Variants in TMEM68 observed in about 807,000 individuals in gnomAD.
TMEM68 encodes the protein transmembrane protein 68.
In TMEM68, 25 loss-of-function variants were observed where a neutral mutation model predicts 36.9. The ratio of observed to expected loss-of-function variants is 0.68; its 90% confidence interval spans 0.49 to 0.95. The LOEUF (loss-of-function observed/expected upper bound fraction) is 0.95, where lower values mean the gene tolerates loss of function less well. Among genes scored for constraint, TMEM68 ranks in the 40% least tolerant of loss-of-function variants. The pLI is 0.00. For missense variants in TMEM68, 333 were observed against 392.0 expected (o/e 0.85, Z 1.27); for synonymous variants, 131 against 124.4 (o/e 1.05, Z -0.35).
intron 3 of TMEM68, among the ~76,000 whole-genome samples, chr8:55,758,067 T>C (rs2129986750): frequency 6.6e-6 from 1 of 152,158 alleles, no homozygotes; most frequent in South Asian, 2.1e-4. Flanking sequence ...AAGGCGACCT[T>C]TTCCTGGGGT....
intron 5 of TMEM68, among the ~76,000 whole-genome samples, chr8:55,750,580 C>T (rs1810400788): frequency 6.7e-6 from 1 of 148,780 alleles, no homozygotes; most frequent in African/African-American, 2.5e-5. Flanking sequence ...CACTCTGTCA[C>T]CCAGGCTGGA....
chr8:55,766,672 G>A (rs892950841), intron 1 of TMEM68, among the ~76,000 whole-genome samples: 15 of 152,128 alleles, frequency 9.9e-5, no homozygotes, highest in African/African-American at 2.9e-4. Context: ...CACCGTGCCC[G>A]GCCTCTATGC....
At position 55,748,583 on chromosome 8, in the gene TMEM68, G is replaced by T. The variant is rs190033093; in HGVS notation, c.687+2381C>A. Among the ~76,000 whole-genome samples the T allele has an allele frequency of 9.4e-4, 142 of 151,052 alleles. 1 individual carries two copies. The East Asian group carries it at 0.021, about 22-fold the overall frequency. On this transcript the variant is annotated intron_variant, in intron 5 of 7. Coordinates refer to ENST00000434581, the MANE Select transcript of TMEM68 (RefSeq NM_001286657.2). ...GAGGGAGGGGAGGGAGGAAGGGGGGGAGAGAGAGAGAGAGAATATATATGT... is the reference window on the plus strand; with the variant it reads ...GAGGGAGGGGAGGGAGGAAGGGGGGTAGAGAGAGAGAGAGAATATATATGT...
At chr8:55,754,137 T>C (rs1000974180) in intron 4 of TMEM68, among the ~76,000 whole-genome samples, 2 of 146,108 alleles carry the variant, frequency 1.4e-5, no homozygotes, top group Non-Finnish European at 3.0e-5. Context: ...CATACACACA[T>C]ATGGCCAGCT....
intron 4 of TMEM68, among the ~76,000 whole-genome samples, chr8:55,752,618 C>A (rs905175550): frequency 6.6e-6 from 1 of 151,890 alleles, no homozygotes; most frequent in African/African-American, 2.4e-5. Flanking sequence ...ATAATTGTCA[C>A]CCCACATTAT....
intron 7 of TMEM68, 100 bp downstream of exon 7, chr8:55,743,381 A>T (rs1351412122): frequency 2.2e-6 from 3 of 1,388,600 alleles, no homozygotes; most frequent in Non-Finnish European, 2.8e-6. Flanking sequence ...CCACTGACCT[A>T]GACATGCTTG....
intron 7 of TMEM68, 61 bp from the exon 8 acceptor site, chr8:55,740,279 C>T: frequency 8.4e-7 from 1 of 1,195,812 alleles, no homozygotes; most frequent in Non-Finnish European, 1.2e-6. Flanking sequence ...TGATTTATCT[C>T]CCATTACCCC....
chr8:55,761,856 T>C (rs1257527998), intron 3 of TMEM68: 2 of 152,206 alleles, frequency 1.3e-5, no homozygotes, highest in African/African-American at 4.8e-5. Flanking sequence ...ATGAAACCAC[T>C]GTGATGCTCA....
At chr8:55,744,597 G>A (rs143639962) in intron 6 of TMEM68, among the ~76,000 whole-genome samples, 1,573 of 152,026 alleles carry the variant, frequency 0.01, 20 homozygotes, top group African/African-American at 0.036. Flanking sequence ...ATGAGCCACC[G>A]CTCCCGGCCG....
intron 7 of TMEM68, among the ~76,000 whole-genome samples, chr8:55,742,628 C>T (rs940202698): frequency 6.6e-6 from 1 of 152,088 alleles, no homozygotes; most frequent in Non-Finnish European, 1.5e-5. Context: ...TAACCTTGAC[C>T]TCCTGGCTTC....
chr8:55,754,540 TTATA>T (rs576591525), intron 4 of TMEM68, among the ~76,000 whole-genome samples: 1,663 of 137,980 alleles, frequency 0.012, 38 homozygotes, highest in African/African-American at 0.043. Flanking sequence ...TATACTTATA[TTATA>T]TATATAATAC....
intron 1 of TMEM68, among the ~76,000 whole-genome samples, chr8:55,764,916 TATA>T (rs1433065032): frequency 6.6e-6 from 1 of 151,968 alleles, no homozygotes; most frequent in East Asian, 1.9e-4. Context: ...CTACTAAAAA[TATA>T]AAATTAGCTG....
chr8:55,753,871 C>A (rs1203140055), intron 4 of TMEM68, among the ~76,000 whole-genome samples: 1 of 152,156 alleles, frequency 6.6e-6, no homozygotes, highest in African/African-American at 2.4e-5. Flanking sequence ...GCGGGCGGAT[C>A]ACCTGAGGTC....
intron 1 of TMEM68, among the ~76,000 whole-genome samples, chr8:55,766,795 A>G (rs895429839): frequency 6.6e-6 from 1 of 152,188 alleles, no homozygotes; most frequent in African/African-American, 2.4e-5. Context: ...CTACACAGGC[A>G]GCAAATAGGA....
chr8:55,754,466 TACACACAC>T (rs71256558), intron 4 of TMEM68, among the ~76,000 whole-genome samples: 20 of 118,942 alleles, frequency 1.7e-4, no homozygotes, highest in South Asian at 7.4e-4. Context: ...TATATATATA[TACACACAC>T]ACACACACAC....
chr8:55,768,133 G>C (rs1387059468), intron 1 of TMEM68, among the ~76,000 whole-genome samples: 1 of 148,610 alleles, frequency 6.7e-6, no homozygotes, highest in East Asian at 1.9e-4. Context: ...CTTCCTGTAG[G>C]AGACAGCTTT....
chr8:55,748,342 G>A (rs940359886), intron 5 of TMEM68, among the ~76,000 whole-genome samples: 3 of 152,018 alleles, frequency 2.0e-5, no homozygotes, highest in Admixed American at 2.0e-4. Context: ...TAACTTTTTT[G>A]TGTGTTTTTA....
intron 1 of TMEM68, among the ~76,000 whole-genome samples, chr8:55,765,003 C>T (rs1170220470): frequency 1.3e-5 from 2 of 151,986 alleles, no homozygotes; most frequent in Non-Finnish European, 2.9e-5. Context: ...ACCTGGGAGG[C>T]GGAGGTTGCA....
At chr8:55,742,338 C>T (rs1028405468) in intron 7 of TMEM68, among the ~76,000 whole-genome samples, 1 of 152,144 alleles carries the variant, frequency 6.6e-6, no homozygotes, top group Non-Finnish European at 1.5e-5. Context: ...ATGTACTTAA[C>T]AGTACTGAAC....
Sources: allele counts gnomAD v4.1 joint callset (sites outside exome capture counted in the v4.1 genomes callset), GRCh38; gene constraint gnomAD v4.1.1; transcripts MANE v1.5; gene names NCBI Gene and HGNC (gene_info 2026-07-23, HGNC 2026-07-21).